The following SLC35G2 variants were observed in gnomAD, a reference collection of about 807,000 sequenced individuals.
SLC35G2 encodes transmembrane protein 22.
SLC35G2 carries 20 observed loss-of-function variants against 27.2 expected under a neutral mutation model. That is an observed-to-expected ratio of 0.74 (90% CI 0.52 to 1.07). The LOEUF (loss-of-function observed/expected upper bound fraction) is 1.07, where lower values mean the gene tolerates loss of function less well. Among genes scored for constraint, SLC35G2 ranks in the 50% least tolerant of loss-of-function variants. The pLI is 0.00. For missense variants in SLC35G2, 416 were observed against 493.3 expected (o/e 0.84, Z 1.48); for synonymous variants, 148 against 165.3 (o/e 0.90, Z 0.80).
intron 1 of SLC35G2, chr3:136,820,628 AC>A (rs1185350696): frequency 2.6e-5 from 4 of 152,218 alleles, no homozygotes; most frequent in Admixed American, 2.6e-4. Flanking sequence ...GCATTTACGC[AC>A]AAACCTAACA....
chr3:136,836,966 G>A (rs2108007913), intron 1 of SLC35G2, among the ~76,000 whole-genome samples: 1 of 152,236 alleles, frequency 6.6e-6, no homozygotes, highest in South Asian at 2.1e-4. Flanking sequence ...ATGTTTTAGA[G>A]AACAGCATGA....
intron 1 of SLC35G2, among the ~76,000 whole-genome samples, chr3:136,852,181 T>G (rs1031765490): frequency 2.0e-5 from 3 of 151,086 alleles, no homozygotes; most frequent in African/African-American, 7.3e-5. Flanking sequence ...CTGGCAAAAG[T>G]TGGAAATAAA....
At position 136,854,829 on chromosome 3, in the gene SLC35G2, G is replaced by C. The variant is rs142918857; in HGVS notation, c.369G>C (p.Arg123Ser). ...ATGGATGTGTAGCTCTTATCACTAG[G>C]CTTGTTTCTGATCGGTCTAAAGTTC... ...LAHGCVALIT[R>S]LVSDRSKVPS... The change falls in exon 2 of 2, where the codon AGG (arginine) becomes AGC (serine). Residue 123 changes from arginine to serine, a missense_variant. Transcript: ENST00000446465. 768 of 1,614,174 alleles carry C rather than the reference G, an allele frequency of 4.8e-4. 1 individual carries two copies. The highest frequency in any genetic ancestry group is 4.2e-4 in the Admixed American group (25 of 60,028).
At chr3:136,849,318 A>G (rs1937532141) in intron 1 of SLC35G2, among the ~76,000 whole-genome samples, 1 of 152,042 alleles carries the variant, frequency 6.6e-6, no homozygotes, top group South Asian at 2.1e-4. Context: ...TATGCCATTT[A>G]ATTTATATAT....
intron 1 of SLC35G2, among the ~76,000 whole-genome samples, chr3:136,844,581 A>G (rs1167320667): frequency 2.6e-5 from 4 of 151,840 alleles, no homozygotes; most frequent in Non-Finnish European, 5.9e-5. Flanking sequence ...GACTGATTGC[A>G]TGAGGCCGTG....
At chr3:136,847,488 G>A (rs1937441273) in intron 1 of SLC35G2, among the ~76,000 whole-genome samples, 1 of 152,154 alleles carries the variant, frequency 6.6e-6, no homozygotes, top group South Asian at 2.1e-4. Context: ...ATCAGAATTA[G>A]GAGTTAATTT....
chr3:136,844,934 T>C (rs1475510483), intron 1 of SLC35G2, among the ~76,000 whole-genome samples: 1 of 152,180 alleles, frequency 6.6e-6, no homozygotes, highest in Non-Finnish European at 1.5e-5. Context: ...AACCTAATCC[T>C]GTATAAGGGT....
At chr3:136,830,795 T>G (rs1936711668) in intron 1 of SLC35G2, among the ~76,000 whole-genome samples, 1 of 152,162 alleles carries the variant, frequency 6.6e-6, no homozygotes, top group Admixed American at 6.5e-5. Flanking sequence ...TCTCAGTAAT[T>G]TTTTTTCTTC....
intron 1 of SLC35G2, among the ~76,000 whole-genome samples, chr3:136,830,281 GTAT>G (rs936735303): frequency 6.7e-6 from 1 of 148,426 alleles, no homozygotes; most frequent in Non-Finnish European, 1.5e-5. Flanking sequence ...GCTACTTTTT[GTAT>G]TATTATTATT....
intron 1 of SLC35G2, among the ~76,000 whole-genome samples, chr3:136,830,104 C>CTTTTT (rs71134418): frequency 7.1e-4 from 63 of 88,778 alleles, no homozygotes; most frequent in Non-Finnish European, 7.5e-4. Context: ...TACATTATTT[C>CTTTTT]TTTTTTTTTT....
At chr3:136,819,950 T>G (rs1366848638) in intron 1 of SLC35G2, 1 of 152,234 alleles carries the variant, frequency 6.6e-6, no homozygotes, top group East Asian at 1.9e-4. Context: ...TTCCTCACAG[T>G]GCTCTGGGCG....
chr3:136,821,010 ATG>A (rs1163768137), intron 1 of SLC35G2, among the ~76,000 whole-genome samples: 4 of 152,228 alleles, frequency 2.6e-5, no homozygotes, highest in African/African-American at 4.8e-5. Context: ...TATGACTAAA[ATG>A]TATCATAATG....
chr3:136,834,883 C>T (rs985500716), intron 1 of SLC35G2, among the ~76,000 whole-genome samples: 6 of 152,082 alleles, frequency 3.9e-5, no homozygotes, highest in African/African-American at 1.4e-4. Context: ...TAAAAGATAA[C>T]TCTCTTATTA....
intron 1 of SLC35G2, among the ~76,000 whole-genome samples, chr3:136,852,401 A>G (rs1937695169): frequency 6.6e-6 from 1 of 151,872 alleles, no homozygotes; most frequent in South Asian, 2.1e-4. Flanking sequence ...ATGAGATTTT[A>G]TTTCTGGGCC....
intron 1 of SLC35G2, among the ~76,000 whole-genome samples, chr3:136,841,309 C>T (rs1937087015): frequency 6.6e-6 from 1 of 152,146 alleles, no homozygotes; most frequent in Non-Finnish European, 1.5e-5. Context: ...ACTTATCATT[C>T]CTCAGACTCT....
intron 1 of SLC35G2, among the ~76,000 whole-genome samples, chr3:136,826,092 A>G (rs1336440738): frequency 2.0e-5 from 3 of 151,648 alleles, no homozygotes; most frequent in African/African-American, 4.9e-5. Context: ...CCTGGAGTAC[A>G]GTGGCGCGAT....
intron 1 of SLC35G2, among the ~76,000 whole-genome samples, chr3:136,849,044 T>C (rs1273921936): frequency 6.6e-6 from 1 of 151,970 alleles, no homozygotes; most frequent in East Asian, 1.9e-4. Context: ...CCGGGCGTGG[T>C]GGCACATGCC....
chr3:136,847,388 A>T (rs1047594062), intron 1 of SLC35G2, among the ~76,000 whole-genome samples: 1 of 152,134 alleles, frequency 6.6e-6, no homozygotes, highest in East Asian at 1.9e-4. Context: ...ACCTGAGATA[A>T]CTTACATTTG....
intron 1 of SLC35G2, among the ~76,000 whole-genome samples, chr3:136,825,830 A>G (rs1438878868): frequency 1.3e-5 from 2 of 152,104 alleles, no homozygotes; most frequent in Non-Finnish European, 2.9e-5. Flanking sequence ...TTTTTGCATC[A>G]GTATTCATTA....
Sources: gnomAD v4.1 joint callset for allele counts (sites outside exome capture counted in the v4.1 genomes callset) on GRCh38, gnomAD v4.1.1 for gene constraint, MANE v1.5 for transcripts, NCBI Gene and HGNC (gene_info 2026-07-23, HGNC 2026-07-21) for gene names.